SLC39A5: variants seen among roughly 807,000 people sequenced by gnomAD.
The protein encoded by SLC39A5 is solute carrier family 39 member 5, also known as zinc transporter ZIP5.
Under a neutral mutation model 46.9 loss-of-function variants are expected in SLC39A5, and 42 were observed. The observed-to-expected ratio is 0.90, with a 90% confidence interval of 0.70 to 1.16. The LOEUF (loss-of-function observed/expected upper bound fraction) is 1.16, where lower values mean the gene tolerates loss of function less well. Ranked by LOEUF, SLC39A5 falls within the 50% of genes most tolerant of loss-of-function variation. The pLI, the probability that SLC39A5 is intolerant of heterozygous loss-of-function variation, is 0.00. For synonymous variants in SLC39A5, 311 were observed against 323.1 expected, an observed-to-expected ratio of 0.96 and a Z score of 0.40; for missense variants, 677 against 686.8, an observed-to-expected ratio of 0.99 and a Z score of 0.16.
intron 9 of SLC39A5, 26 bp from the exon 10 acceptor site, chr12:56,236,556 A>G (rs772789034): frequency 1.9e-6 from 3 of 1,613,886 alleles, no homozygotes; most frequent in Non-Finnish European, 2.5e-6. Context: ...GCAGCCACCA[A>G]CACTGTCCTG....
intron 10 of SLC39A5, 50 bp from the exon 11 acceptor site, chr12:56,236,881 T>A: frequency 6.2e-7 from 1 of 1,610,010 alleles, no homozygotes; most frequent in Non-Finnish European, 8.5e-7. Context: ...AACCTGCTTC[T>A]GAGGAGACTT....
chr12:56,236,894 C>G lies in SLC39A5; in HGVS notation c.1208-37C>G, dbSNP rs773723040. On this transcript the variant is annotated intron_variant, in intron 10 of 12. Coordinates refer to ENST00000454355, the MANE Select transcript of SLC39A5 (RefSeq NM_173596.3). ...GGAACCTGCTTCTGAGGAGACTTTT[C>G]TTCTGGACTGACAACTTCCGACCCT... 6 of 1,612,172 alleles carry G rather than the reference C, an allele frequency of 3.7e-6. No homozygotes were observed. In the South Asian group the frequency reaches 6.6e-5, roughly 18 times the overall value.
rs892320606 is a variant in SLC39A5, at chr12:56,231,188, T to C, written c.-71-16T>C. 15 of 1,418,802 alleles carry C rather than the reference T, an allele frequency of 1.1e-5. No individual in the cohort carries two copies. Among genetic ancestry groups the C allele is most frequent in the Non-Finnish European group, 1.4e-5 (15 of 1,045,804 alleles). The allele number at this position is 1,418,802 out of a possible 1,614,324, so 87.9% of individuals were successfully genotyped here. On this transcript the variant is annotated splice_polypyrimidine_tract_variant and intron_variant, in intron 3 of 12. Coordinates refer to ENST00000454355, the MANE Select transcript of SLC39A5 (RefSeq NM_173596.3). ...GAGAGCAGAGCGCAGCTCCAGCCCATTCCTCATTCTTCCAGGGCACAGTCC... is the reference window on the plus strand; with the variant it reads ...GAGAGCAGAGCGCAGCTCCAGCCCACTCCTCATTCTTCCAGGGCACAGTCC...
At position 56,236,728 on chromosome 12, in the gene SLC39A5, A is replaced by G. The variant is rs1331689305; in HGVS notation, c.1189A>G (p.Thr397Ala). The G allele has an allele frequency of 1.2e-6, 2 of 1,604,090 alleles. No individual in the cohort carries two copies. Among genetic ancestry groups the G allele is most frequent in the African/African-American group, 2.7e-5 (2 of 74,706 alleles). Residue 397 changes from threonine (T) to alanine (A), a missense_variant, in exon 10 of 13, where the codon ACT (threonine) becomes GCT (alanine). Thr to Ala is a moderately conservative substitution (Grantham distance 58). Transcript: ENST00000454355. ...VLLGDGLHNL[T>A]DGLAIGAAFS... ...CCTGGGAGATGGTCTACACAACCTC[A>G]CTGATGGGCTGGCCATAGGTGTGAG...
chr12:56,235,830 G>A, intron 8 of SLC39A5, 130 bp downstream of exon 8: 3 of 1,245,016 alleles, frequency 2.4e-6, no homozygotes, highest in East Asian at 2.3e-5. Context: ...AGATCACAAG[G>A]TTAGGAGTTC....
rs999194894 is a variant in SLC39A5 at position 56,234,354 on chromosome 12, G to A, written c.472-470G>A. On this transcript the variant is annotated intron_variant, in intron 5 of 12. Coordinates refer to ENST00000454355, the MANE Select transcript of SLC39A5 (RefSeq NM_173596.3). ...TTTTGAGATGGAGTCTCACTCTGTC[G>A]CCCAGGCTGGAGTGCACTGGTGCAA... Among the ~76,000 whole-genome samples, 137 of 138,926 alleles carry A rather than the reference G, an allele frequency of 9.9e-4. 1 individual carries two copies. The highest frequency in any genetic ancestry group is 3.2e-3 in the East Asian group (15 of 4,722). 91.1% of individuals were successfully genotyped at this position (138,926 alleles called of 152,430 possible).
In SLC39A5 at chr12:56,231,508, T is replaced by C. The variant is rs1870213778; in HGVS notation, c.234T>C (p.His78=). 6.2e-7 allele frequency: 1 copy of C among 1,602,654 alleles called. No homozygotes were observed. Among genetic ancestry groups the C allele is most frequent in the Non-Finnish European group, 8.5e-7 (1 of 1,173,624 alleles). ...GRVQGLRLGQ[H]GPLTGRAASP... ...TTCAGGGGCTTCGCCTGGGACAGCATGGGCCTCTGACTGGACGGGCTGCAT... is the reference window on the plus strand; with the variant it reads ...TTCAGGGGCTTCGCCTGGGACAGCACGGGCCTCTGACTGGACGGGCTGCAT... Residue 78 remains histidine, a synonymous_variant, in exon 4 of 13, where the codon CAT becomes CAC. Transcript: ENST00000454355.
intron 4 of SLC39A5, among the ~76,000 whole-genome samples, chr12:56,232,257 C>T (rs1239085100): frequency 6.7e-6 from 1 of 150,308 alleles, no homozygotes; most frequent in Admixed American, 6.7e-5. Flanking sequence ...CCTCTGCCTC[C>T]CCGGTTCAAG....
At chr12:56,237,112 A>C in intron 11 of SLC39A5, 38 bp from the exon 12 acceptor site, 1 of 1,613,100 alleles carries the variant, frequency 6.2e-7, no homozygotes, top group South Asian at 1.1e-5. Flanking sequence ...GGGGCACCCC[A>C]GCTTACTCCC....
intron 5 of SLC39A5, among the ~76,000 whole-genome samples, chr12:56,233,480 A>T (rs1346150492): frequency 1.3e-5 from 2 of 150,538 alleles, no homozygotes; most frequent in African/African-American, 2.4e-5. Flanking sequence ...TAAAAAAATA[A>T]AAAAAAAATA....
rs765428398 is a variant in SLC39A5 at position 56,236,913 on chromosome 12, C to T, written c.1208-18C>T. 1.2e-5 allele frequency: 20 copies of T among 1,613,608 alleles called. No homozygotes were observed. The highest frequency in any genetic ancestry group is 4.5e-5 in the East Asian group (2 of 44,898). ...ACTTTTCTTCTGGACTGACAACTTCCGACCCTGCTGGCCCCAGGTGCTGCC... is the reference window on the plus strand; with the variant it reads ...ACTTTTCTTCTGGACTGACAACTTCTGACCCTGCTGGCCCCAGGTGCTGCC... On this transcript the variant is annotated intron_variant, in intron 10 of 12. Transcript: ENST00000454355.
rs763826181 is a variant in SLC39A5, at chr12:56,232,654, CA to C, written c.288-33del. The C allele has an allele frequency of 9.0e-6, 14 of 1,563,758 alleles. No homozygotes were observed. In the African/African-American group the frequency reaches 2.0e-4, roughly 22 times the overall value. ...TCTCAAAGCGGGTTGATAGAGAACACAAGGGAGGCTGACTTGCTGTCTCATC... is the reference window on the plus strand; with the variant it reads ...TCTCAAAGCGGGTTGATAGAGAACACAGGGAGGCTGACTTGCTGTCTCATC... On this transcript the variant is annotated intron_variant, in intron 4 of 12. Coordinates refer to ENST00000454355, the MANE Select transcript of SLC39A5 (RefSeq NM_173596.3).
In SLC39A5 at chr12:56,237,352, C is replaced by T. The variant is rs1187317614; in HGVS notation, c.1479+12C>T. ...CCCTTGTGGACATGGTGAGAGATGTCGGGTAGAGCAGAGAAATCAAGGGCA... is the reference window on the plus strand; with the variant it reads ...CCCTTGTGGACATGGTGAGAGATGTTGGGTAGAGCAGAGAAATCAAGGGCA... On this transcript the variant is annotated intron_variant, in intron 12 of 12. Coordinates refer to ENST00000454355, the MANE Select transcript of SLC39A5 (RefSeq NM_173596.3). 7.6e-6 allele frequency: 12 copies of T among 1,571,884 alleles called. No homozygotes were observed. Among genetic ancestry groups the T allele is most frequent in the South Asian group, 3.6e-5 (3 of 84,228 alleles).
At position 56,231,227 on chromosome 12, in the gene SLC39A5, G is replaced by A. The variant is rs1188974420; in HGVS notation, c.-48G>A. 2 of 1,531,434 alleles carry A rather than the reference G, an allele frequency of 1.3e-6. No homozygotes were observed. Among genetic ancestry groups the A allele is most frequent in the African/African-American group, 2.8e-5 (2 of 72,442 alleles). The allele number at this position is 1,531,434 out of a possible 1,614,324, so 94.9% of individuals were successfully genotyped here. On this transcript the variant is annotated 5_prime_UTR_variant, in exon 4 of 13. Coordinates refer to ENST00000454355, the MANE Select transcript of SLC39A5 (RefSeq NM_173596.3). ...AGGGCACAGTCCTCAGGATGTTTCG[G>A]GGAGAATAGGAGCCAGAACCTGAGC...
intron 8 of SLC39A5, chr12:56,235,916 G>A: frequency 1.8e-6 from 1 of 565,238 alleles, no homozygotes; most frequent in Non-Finnish European, 3.1e-6. Context: ...GGTGGTGCGT[G>A]TCTGTAATCC....
At chr12:56,236,773 C>T in intron 10 of SLC39A5, 27 bp downstream of exon 10, 1 of 1,581,662 alleles carries the variant, frequency 6.3e-7, no homozygotes, top group South Asian at 1.2e-5. Flanking sequence ...CGGAGGGAAG[C>T]AGGTCCGAGG....
At chr12:56,231,587 A>G in intron 4 of SLC39A5, 26 bp downstream of exon 4, 1 of 1,512,590 alleles carries the variant, frequency 6.6e-7, no homozygotes, top group Non-Finnish European at 8.8e-7. Flanking sequence ...TCCACTCCAC[A>G]GGGCCACATC....
At position 56,237,688 on chromosome 12, in the gene SLC39A5, C is replaced by A. The variant is rs751871759; in HGVS notation, c.1580C>A (p.Thr527Asn). The change falls in exon 13 of 13, where the codon ACC (threonine) becomes AAC (asparagine). Residue 527 changes from threonine to asparagine, a missense_variant. Transcript: ENST00000454355. ...GGGGGCGGCCTCATGCTTGCCATAA[C>A]CCTGCTGGAGGAGCGGCTACTGCCC... ...LLGGGLMLAI[T>N]LLEERLLPVT... 6.2e-7 allele frequency: 1 copy of A among 1,600,046 alleles called. No individual in the cohort carries two copies. Among genetic ancestry groups the A allele is most frequent in the Non-Finnish European group, 8.5e-7 (1 of 1,173,790 alleles).
At position 56,236,778 on chromosome 12, in the gene SLC39A5, C is replaced by T. The variant is rs1048765442; in HGVS notation, c.1207+32C>T. On this transcript the variant is annotated intron_variant, in intron 10 of 12. Coordinates refer to ENST00000454355, the MANE Select transcript of SLC39A5 (RefSeq NM_173596.3). ...GGGGTGGGAACGGAGGGAAGCAGGT[C>T]CGAGGGGAGGCCAGGGCTCCTAGTT... The T allele has an allele frequency of 1.9e-6, 3 of 1,580,224 alleles. No homozygotes were observed. In the African/African-American group the frequency reaches 4.0e-5, roughly 21 times the overall value.
Sources: gnomAD v4.1 joint callset for allele counts (sites outside exome capture counted in the v4.1 genomes callset) on GRCh38, gnomAD v4.1.1 for gene constraint, MANE v1.5 for transcripts, NCBI Gene and HGNC (gene_info 2026-07-23, HGNC 2026-07-21) for gene names.